Variants in TTC7A observed in about 807,000 individuals in gnomAD.
TTC7A encodes the protein tetratricopeptide repeat protein 7A.
In TTC7A, 110 loss-of-function variants were observed where a neutral mutation model predicts 103.7. That is an observed-to-expected ratio of 1.06 (90% CI 0.91 to 1.24). TTC7A has a LOEUF of 1.24. Ranked by LOEUF, TTC7A falls within the 50% of genes most tolerant of loss-of-function variation. The pLI is 0.00. For missense variants in TTC7A, 1,340 were observed against 1,116.3 expected (o/e 1.20, Z -2.86); for synonymous variants, 521 against 467.9 (o/e 1.11, Z -1.47).
At chr2:47,023,351 T>C in intron 12 of TTC7A, 57 bp from the exon 13 acceptor site, 1 of 1,578,942 alleles carries the variant, frequency 6.3e-7, no homozygotes, top group Non-Finnish European at 8.7e-7. Context: ...GGTGCAGGGC[T>C]GGGCCGGCAC....
intron 1 of TTC7A, among the ~76,000 whole-genome samples, chr2:46,943,013 A>C (rs9973769): frequency 0.058 from 8,860 of 152,082 alleles, 315 homozygotes; most frequent in African/African-American, 0.092. Context: ...TCAAGCGATC[A>C]TTCCACCTCA....
At chr2:46,987,809 C>CGT (rs34664382) in intron 5 of TTC7A, among the ~76,000 whole-genome samples, 4,968 of 144,580 alleles carry the variant, frequency 0.034, 86 homozygotes, top group Admixed American at 0.047. Flanking sequence ...CCTTTCCGCG[C>CGT]GTGTGTGTGT....
At chr2:46,937,030 A>AT (rs934370479), upstream of TTC7A, among the ~76,000 whole-genome samples, 8 of 151,908 alleles carry the variant, frequency 5.3e-5, no homozygotes, top group African/African-American at 1.9e-4. The surrounding 1 kb of genome is among the most constrained non-coding windows in gnomAD (Gnocchi z 4.0). Flanking sequence ...TAATTTTTGT[A>AT]TTTTTTGTAG....
At chr2:46,929,078 G>A (rs889555781) in intron 2 of TTC7A, among the ~76,000 whole-genome samples, 7 of 152,032 alleles carry the variant, frequency 4.6e-5, no homozygotes, top group South Asian at 2.1e-4. Context: ...TGGGAGAATC[G>A]CTTGAACCTG....
intron 15 of TTC7A, among the ~76,000 whole-genome samples, chr2:47,041,622 G>A (rs1251561822): frequency 5.9e-5 from 9 of 152,086 alleles, no homozygotes; most frequent in East Asian, 1.9e-4. Context: ...GCCTGGTGGC[G>A]TATGCCTGTA....
chr2:46,992,969 G>A (rs1390483926), intron 5 of TTC7A, among the ~76,000 whole-genome samples: 1 of 152,242 alleles, frequency 6.6e-6, no homozygotes, highest in African/African-American at 2.4e-5. Context: ...ACTGAAAGTG[G>A]CGAGACTGGC....
At chr2:47,031,850 C>T (rs1281508748) in intron 15 of TTC7A, among the ~76,000 whole-genome samples, 1 of 152,240 alleles carries the variant, frequency 6.6e-6, no homozygotes, top group East Asian at 1.9e-4. Context: ...GGCTGCAGCC[C>T]AGGCTGTGTG....
intron 1 of TTC7A, among the ~76,000 whole-genome samples, chr2:46,949,059 A>G (rs1335047661): frequency 6.6e-6 from 1 of 152,124 alleles, no homozygotes; most frequent in African/African-American, 2.4e-5. Flanking sequence ...TGGGAGGGGC[A>G]ATGAGCACAG....
chr2:46,916,395 G>A (rs1407125291), exon 1 of TTC7A: 1 of 153,284 alleles, frequency 6.5e-6, no homozygotes, highest in African/African-American at 2.4e-5. Context: ...ATGCGACCCA[G>A]TTCAAATACC....
intron 19 of TTC7A, among the ~76,000 whole-genome samples, chr2:47,063,477 T>C (rs1573076049): frequency 6.6e-6 from 1 of 152,278 alleles, no homozygotes; most frequent in Non-Finnish European, 1.5e-5. Context: ...TAGGAACTAC[T>C]AGCTGTCATT....
At chr2:47,069,114 C>G (rs948960662) in intron 19 of TTC7A, among the ~76,000 whole-genome samples, 1 of 152,214 alleles carries the variant, frequency 6.6e-6, no homozygotes, top group Non-Finnish European at 1.5e-5. Flanking sequence ...GAGGGCTGGG[C>G]CAGGCAGTGC....
intron 5 of TTC7A, among the ~76,000 whole-genome samples, chr2:46,981,276 C>T (rs1048222268): frequency 6.6e-6 from 1 of 151,756 alleles, no homozygotes; most frequent in Admixed American, 6.6e-5. Context: ...CTAGAGGACA[C>T]ACTGCTTGTA....
chr2:46,968,715 C>T (rs1358015769), intron 3 of TTC7A, among the ~76,000 whole-genome samples: 1 of 152,040 alleles, frequency 6.6e-6, no homozygotes, highest in Non-Finnish European at 1.5e-5. Flanking sequence ...ATCATGACAG[C>T]TCCCTTCAAA....
At chr2:47,020,631 C>G (rs1316035448) in intron 11 of TTC7A, among the ~76,000 whole-genome samples, 3 of 152,254 alleles carry the variant, frequency 2.0e-5, no homozygotes. Flanking sequence ...GGTGGGCAGA[C>G]AGCCTCTCCC....
At chr2:47,040,989 G>A (rs1681678699) in intron 15 of TTC7A, among the ~76,000 whole-genome samples, 4 of 152,194 alleles carry the variant, frequency 2.6e-5, no homozygotes, top group Admixed American at 1.3e-4. Context: ...GAAAGCTGCT[G>A]GATTTCGGTA....
chr2:46,974,112 A>T (rs1047267583), intron 3 of TTC7A, among the ~76,000 whole-genome samples: 2 of 152,170 alleles, frequency 1.3e-5, no homozygotes, highest in African/African-American at 4.8e-5. Context: ...CAGTTCAGTC[A>T]CTCGCCACTT....
intron 3 of TTC7A, among the ~76,000 whole-genome samples, chr2:46,959,533 G>C (rs1408581635): frequency 1.3e-5 from 2 of 152,132 alleles, no homozygotes; most frequent in East Asian, 3.9e-4. Flanking sequence ...GCCCCAGTGT[G>C]GAGCGGTTCC....
chr2:46,972,965 C>G (rs943234405), intron 3 of TTC7A, among the ~76,000 whole-genome samples: 1 of 152,278 alleles, frequency 6.6e-6, no homozygotes, highest in Admixed American at 6.5e-5. Flanking sequence ...GGAAATGTAA[C>G]CAAGTAACCC....
intron 8 of TTC7A, among the ~76,000 whole-genome samples, chr2:46,998,243 T>A (rs777182514): frequency 2.0e-5 from 3 of 152,170 alleles, no homozygotes; most frequent in Non-Finnish European, 2.9e-5. Flanking sequence ...CTTGAGGGAT[T>A]TGGGGGAGAG....
Sources: allele counts gnomAD v4.1 joint callset (sites outside exome capture counted in the v4.1 genomes callset), GRCh38; gene constraint gnomAD v4.1.1; non-coding constraint Gnocchi (gnomAD v3.1); transcripts MANE v1.5; gene names NCBI Gene and HGNC (gene_info 2026-07-23, HGNC 2026-07-21).